LTBP1: variants seen among roughly 807,000 people sequenced by gnomAD.
LTBP1 encodes latent transforming growth factor beta binding protein 1.
In LTBP1, 129 loss-of-function variants were observed where a neutral mutation model predicts 207.6. The observed-to-expected ratio is 0.62, with a 90% CI of 0.54 to 0.72. The LOEUF is 0.72. Among genes scored for constraint, LTBP1 ranks in the 30% least tolerant of loss-of-function variants. LTBP1 has a pLI of 0.00. For missense variants in LTBP1, 2,281 were observed against 2,217.2 expected (o/e 1.03, Z -0.58); for synonymous variants, 963 against 833.7 (o/e 1.16, Z -2.67).
intron 31 of LTBP1, among the ~76,000 whole-genome samples, chr2:33,367,599 C>T (rs2095007979): frequency 6.6e-6 from 1 of 152,174 alleles, no homozygotes; most frequent in African/African-American, 2.4e-5. Flanking sequence ...TGAGAACGTT[C>T]AGTATTTGAC....
At position 32,947,162 on chromosome 2, in the gene LTBP1, T is replaced by A. The variant is rs945631289; in HGVS notation, c.-163T>A. ...CGGCCGGGGTCTGGGGCCGCTCAGCTGCCCGCAGAGCCTCCTCCCTCGCCA... is the reference window on the plus strand; with the variant it reads ...CGGCCGGGGTCTGGGGCCGCTCAGCAGCCCGCAGAGCCTCCTCCCTCGCCA... On this transcript the variant is annotated 5_prime_UTR_variant, in exon 1 of 34. Coordinates refer to ENST00000404816, the MANE Select transcript of LTBP1 (RefSeq NM_206943.4). The A allele has an allele frequency of 8.2e-5, 35 of 427,750 alleles. No individual in the cohort carries two copies. The highest frequency in any genetic ancestry group is 1.3e-4 in the Non-Finnish European group (34 of 264,464). 26.5% of individuals were successfully genotyped at this position (427,750 alleles called of 1,614,324 possible).
chr2:33,299,591 C>G (rs2148969117), intron 20 of LTBP1, among the ~76,000 whole-genome samples: 1 of 152,282 alleles, frequency 6.6e-6, no homozygotes, highest in Non-Finnish European at 1.5e-5. Context: ...TAATCATAAA[C>G]TCTTATAAGT....
chr2:33,044,712 AATTTAC>A (rs2076360090), intron 3 of LTBP1, among the ~76,000 whole-genome samples: 1 of 152,166 alleles, frequency 6.6e-6, no homozygotes, highest in Admixed American at 6.5e-5. Context: ...TCGTTTAACT[AATTTAC>A]ATTCCCACCA....
Position 33,345,882 on chromosome 2 carries a change from A to G in LTBP1, c.3857-1485A>G, listed in dbSNP as rs149497681. ...AGACATGTGAGCATTTCAGACTTTA[A>G]GTCAGGTGCTTTACTGAATTGGATA... is the stretch of plus-strand genomic sequence containing the variant. On this transcript the variant is annotated intron_variant, in intron 25 of 33. Transcript: ENST00000404816. Among the ~76,000 whole-genome samples, 7 of 152,348 alleles carry G rather than the reference A, an allele frequency of 4.6e-5. 1 individual carries two copies. The East Asian group carries it at 9.6e-4, about 21-fold the overall frequency.
intron 2 of LTBP1, among the ~76,000 whole-genome samples, chr2:32,971,634 C>T (rs756235763): frequency 7.9e-5 from 12 of 152,184 alleles, no homozygotes; most frequent in South Asian, 2.1e-4. Context: ...TACATCCCAG[C>T]GATAAAGCCT....
chr2:33,255,472 C>G (rs1313597426), intron 11 of LTBP1, among the ~76,000 whole-genome samples: 3 of 152,010 alleles, frequency 2.0e-5, no homozygotes, highest in Non-Finnish European at 4.4e-5. Context: ...CCCAGCCATC[C>G]CATTACTGGA....
At chr2:33,328,335 T>G (rs2094454815) in intron 24 of LTBP1, among the ~76,000 whole-genome samples, 1 of 152,130 alleles carries the variant, frequency 6.6e-6, no homozygotes, top group Non-Finnish European at 1.5e-5. Context: ...CTTACCACTA[T>G]CCTGACTTCA....
intron 3 of LTBP1, among the ~76,000 whole-genome samples, chr2:33,084,012 G>C (rs1035024761): frequency 2.0e-5 from 3 of 152,198 alleles, no homozygotes; most frequent in Non-Finnish European, 4.4e-5. Context: ...GGGAGACCTT[G>C]CCGAGTGTTA....
chr2:33,054,804 C>T (rs570118382), intron 3 of LTBP1, among the ~76,000 whole-genome samples: 46 of 152,264 alleles, frequency 3.0e-4, no homozygotes, highest in African/African-American at 6.5e-4. Context: ...TGACATGAGC[C>T]GGTGTTTGCC....
At chr2:33,029,590 A>C (rs954582932) in intron 3 of LTBP1, among the ~76,000 whole-genome samples, 5 of 152,198 alleles carry the variant, frequency 3.3e-5, no homozygotes, top group African/African-American at 1.2e-4. Context: ...ACAAACCATA[A>C]AGTTTTATAA....
intron 9 of LTBP1, among the ~76,000 whole-genome samples, chr2:33,240,074 A>C (rs1343020376): frequency 1.3e-5 from 2 of 152,214 alleles, no homozygotes; most frequent in Non-Finnish European, 2.9e-5. Context: ...ATGAAGTCCA[A>C]ATAGAATTCT....
At chr2:33,303,383 C>T (rs544857589) in intron 22 of LTBP1, among the ~76,000 whole-genome samples, 15 of 148,698 alleles carry the variant, frequency 1.0e-4, no homozygotes, top group South Asian at 2.1e-4. Flanking sequence ...CGGAATCTCG[C>T]TCTGTCACCC....
intron 2 of LTBP1, among the ~76,000 whole-genome samples, chr2:32,955,323 C>G (rs936558044): frequency 1.3e-5 from 2 of 152,216 alleles, no homozygotes; most frequent in African/African-American, 4.8e-5. Context: ...GCAGTTTTTA[C>G]ATCCAGTTTT....
chr2:32,959,595 G>A (rs867531001), intron 2 of LTBP1, among the ~76,000 whole-genome samples: 2 of 43,218 alleles, frequency 4.6e-5, no homozygotes, highest in Non-Finnish European at 5.9e-5. Context: ...ATATATGTAC[G>A]TGTATATATA....
rs1402035964 is a variant in LTBP1, at chr2:33,363,506, C to T, written c.4387C>T (p.Leu1463=). 1 of 1,613,648 alleles carries T rather than the reference C, an allele frequency of 6.2e-7. No homozygotes were observed. The highest frequency in any genetic ancestry group is 1.3e-5 in the African/African-American group (1 of 74,898). Residue 1463 remains leucine, a synonymous_variant, in exon 29 of 34, where the codon CTG becomes TTG. Transcript: ENST00000404816. ...KQGTYYDPVK[L]QCFDMDECQD... Reference sequence around the variant, plus strand: ...AGGGACGTACTATGATCCTGTGAAACTGCAGTGCTTTGGTAAGCTTTAGGG... The same window carrying T: ...AGGGACGTACTATGATCCTGTGAAATTGCAGTGCTTTGGTAAGCTTTAGGG...
chr2:33,277,452 GCCCCTTTGA>G (rs954105433), intron 18 of LTBP1, among the ~76,000 whole-genome samples: 26 of 152,122 alleles, frequency 1.7e-4, no homozygotes, highest in African/African-American at 5.6e-4. Flanking sequence ...CACTGACTTT[GCCCCTTTGA>G]AACGTAGTAC....
At position 33,139,742 on chromosome 2, in the gene LTBP1, A is replaced by G. The variant is rs150820503; in HGVS notation, c.1201+4782A>G. Among the ~76,000 whole-genome samples, 118 of 152,270 alleles carry G rather than the reference A, an allele frequency of 7.7e-4. No individual in the cohort carries two copies. The Middle Eastern group carries it at 0.01, about 13-fold the overall frequency. ...GAGGGAAGAGAGAAGCAAAGTTGAC[A>G]TGGGAAAGAAGAATTTACCCCCCTA... On this transcript the variant is annotated intron_variant, in intron 5 of 33. Transcript: ENST00000404816.
At position 33,042,870 on chromosome 2, in the gene LTBP1, G is replaced by T. The variant is rs115272595; in HGVS notation, c.863+21664G>T. Among the ~76,000 whole-genome samples the T allele has an allele frequency of 4.7e-3, 709 of 152,264 alleles. 7 individuals carry two copies. The highest frequency in any genetic ancestry group is 0.017 in the African/African-American group (687 of 41,544). ...ATTATGTAAAAACTGTTTTGGGAAGGAGTCTATATAAAGCTAAAACACTCC... is the reference window on the plus strand; with the variant it reads ...ATTATGTAAAAACTGTTTTGGGAAGTAGTCTATATAAAGCTAAAACACTCC... On this transcript the variant is annotated intron_variant, in intron 3 of 33. Coordinates refer to ENST00000404816, the MANE Select transcript of LTBP1 (RefSeq NM_206943.4).
chr2:32,992,064 C>G (rs1684502719), intron 2 of LTBP1, among the ~76,000 whole-genome samples: 1 of 152,142 alleles, frequency 6.6e-6, no homozygotes, highest in South Asian at 2.1e-4. Flanking sequence ...TCTCAGTGTG[C>G]TTCTCTCCGA....
Sources: allele counts gnomAD v4.1 joint callset (sites outside exome capture counted in the v4.1 genomes callset), GRCh38; gene constraint gnomAD v4.1.1; transcripts MANE v1.5; gene names NCBI Gene and HGNC (gene_info 2026-07-23, HGNC 2026-07-21).